The following MYRIP variants were observed in gnomAD, a reference collection of about 807,000 sequenced individuals.
MYRIP encodes myosin VIIA and Rab interacting protein, also known as rab effector MyRIP.
MYRIP carries 49 observed loss-of-function variants against 98.0 expected under a neutral mutation model. The observed-to-expected ratio is 0.50, with a 90% CI of 0.40 to 0.63. MYRIP has a LOEUF of 0.63. Among genes scored for constraint, MYRIP ranks in the 30% least tolerant of loss-of-function variants. The probability of loss-of-function intolerance (pLI) is 0.00; values close to 1 mark genes in which losing one functional copy is unlikely to be tolerated. For synonymous variants in MYRIP, 404 were observed against 409.5 expected (o/e 0.99, Z 0.16); for missense variants, 1,004 against 1,058.2 (o/e 0.95, Z 0.71).
chr3:39,905,510 G>A (rs1360960656), intron 2 of MYRIP, among the ~76,000 whole-genome samples: 1 of 152,114 alleles, frequency 6.6e-6, no homozygotes, highest in Non-Finnish European at 1.5e-5. Flanking sequence ...GGAAACCTCT[G>A]AGTCTTGTTC....
At chr3:39,987,074 T>C (rs1413379335) in intron 2 of MYRIP, among the ~76,000 whole-genome samples, 2 of 152,136 alleles carry the variant, frequency 1.3e-5, no homozygotes, top group Non-Finnish European at 2.9e-5. Flanking sequence ...TGTGCCATGG[T>C]GGTTTGCTGC....
chr3:40,252,340 T>C (rs889010194), intron 16 of MYRIP, among the ~76,000 whole-genome samples: 5 of 152,182 alleles, frequency 3.3e-5, no homozygotes, highest in African/African-American at 1.2e-4. Flanking sequence ...TACCAAAATG[T>C]AGCTTAACCC....
chr3:40,037,834 C>T (rs113893404), intron 2 of MYRIP, among the ~76,000 whole-genome samples: 1 of 152,122 alleles, frequency 6.6e-6, no homozygotes, highest in Admixed American at 6.6e-5. Context: ...CTGGCTCACA[C>T]TTTCTCCTTT....
chr3:40,114,589 CA>C (rs1179755166), intron 3 of MYRIP, among the ~76,000 whole-genome samples: 1 of 152,186 alleles, frequency 6.6e-6, no homozygotes, highest in East Asian at 1.9e-4. Flanking sequence ...TTTCACAAAT[CA>C]ATGGCAACAA....
Position 40,202,193 on chromosome 3 carries a change from A to G in MYRIP, c.1666-7661A>G, listed in dbSNP as rs73827344. On this transcript the variant is annotated intron_variant, in intron 10 of 16. Coordinates refer to ENST00000302541, the MANE Select transcript of MYRIP (RefSeq NM_015460.4). ...AGGAGAGCCACCAGGACATAAGGAT[A>G]TATTCAACAAATGTTAACATGTGAC... Among the ~76,000 whole-genome samples, 827 of 152,292 alleles carry G rather than the reference A, an allele frequency of 5.4e-3. 1 individual carries two copies. Among genetic ancestry groups the G allele is most frequent in the African/African-American group, 0.018 (751 of 41,542 alleles).
rs1948575383 is a variant in MYRIP, at chr3:40,084,675, A to AATACACATCTATGTATTACATATC, written c.332+40404_332+40405insATACACATCTATGTATTACATATC. On this transcript the variant is annotated intron_variant, in intron 3 of 16. Coordinates refer to ENST00000302541, the MANE Select transcript of MYRIP (RefSeq NM_015460.4). ...ACACATCTATGTATTACATATCGAT[A>AATACACATCTATGTATTACATATC]GATAATATCTATGTATTACATATCG... Among the ~76,000 whole-genome samples, 3 of 147,626 alleles carry AATACACATCTATGTATTACATATC rather than the reference A, an allele frequency of 2.0e-5. 1 individual carries two copies. Among genetic ancestry groups the AATACACATCTATGTATTACATATC allele is most frequent in the African/African-American group, 7.5e-5 (3 of 39,946 alleles).
At chr3:39,992,525 G>A (rs1337096428) in intron 2 of MYRIP, among the ~76,000 whole-genome samples, 1 of 152,094 alleles carries the variant, frequency 6.6e-6, no homozygotes, top group Non-Finnish European at 1.5e-5. Flanking sequence ...AGAACTCCAG[G>A]TCCTTTAAAG....
chr3:40,241,564 T>C (rs1007970568), intron 12 of MYRIP, among the ~76,000 whole-genome samples: 3 of 152,214 alleles, frequency 2.0e-5, no homozygotes, highest in Non-Finnish European at 2.9e-5. Flanking sequence ...TACATATTAG[T>C]ACATTAAAGC....
chr3:40,213,281 A>C (rs1389336929), intron 11 of MYRIP, among the ~76,000 whole-genome samples: 1 of 152,160 alleles, frequency 6.6e-6, no homozygotes, highest in Non-Finnish European at 1.5e-5. Flanking sequence ...GATAATCATA[A>C]CCCCTTATAG....
chr3:40,251,703 T>C (rs1371664468), intron 15 of MYRIP, among the ~76,000 whole-genome samples, 178 bp from the exon 16 acceptor site: 3 of 152,224 alleles, frequency 2.0e-5, no homozygotes, highest in South Asian at 2.1e-4. Context: ...CCTGACTTAT[T>C]TGTCCATCAT....
intron 3 of MYRIP, among the ~76,000 whole-genome samples, chr3:40,134,072 G>A (rs1048106128): frequency 3.3e-5 from 5 of 152,200 alleles, no homozygotes; most frequent in Admixed American, 2.6e-4. Flanking sequence ...TGCGTGAGCC[G>A]AAGCAGGGCG....
chr3:39,841,044 C>T (rs993390838), intron 1 of MYRIP, among the ~76,000 whole-genome samples: 3 of 152,134 alleles, frequency 2.0e-5, no homozygotes, highest in Admixed American at 1.3e-4. Flanking sequence ...GGATAATATC[C>T]TCAAGTGTGT....
At chr3:40,258,080 T>C (rs558571802) in intron 16 of MYRIP, 54 bp from the exon 17 acceptor site, 2 of 1,596,818 alleles carry the variant, frequency 1.3e-6, no homozygotes, top group Non-Finnish European at 1.7e-6. Context: ...TTTCATTGCT[T>C]CTTCTCACTC....
chr3:39,811,705 GTC>G (rs1940700852), intron 1 of MYRIP, among the ~76,000 whole-genome samples: 1 of 151,778 alleles, frequency 6.6e-6, no homozygotes, highest in Non-Finnish European at 1.5e-5. Context: ...GTCAAAGTGT[GTC>G]TCTGTAGAGA....
rs79423502 is a variant in MYRIP, at chr3:40,219,352, T to A, written c.1905+9259T>A. Among the ~76,000 whole-genome samples, 759 of 152,344 alleles carry A rather than the reference T, an allele frequency of 5.0e-3. 1 individual carries two copies. The highest frequency in any genetic ancestry group is 0.016 in the African/African-American group (684 of 41,578). On this transcript the variant is annotated intron_variant, in intron 11 of 16. Transcript: ENST00000302541. ...TATTTTTTAAACTTTATTATTATCA[T>A]AGTTTAAGTTTTAGGGTACATGTGC...
chr3:39,913,015 G>A (rs1419543685), intron 2 of MYRIP, among the ~76,000 whole-genome samples: 2 of 150,880 alleles, frequency 1.3e-5, no homozygotes, highest in Non-Finnish European at 2.9e-5. Context: ...ACTCCAGCCT[G>A]GGTGACAGAG....
chr3:40,193,595 A>C (rs1006960934), intron 10 of MYRIP, among the ~76,000 whole-genome samples: 7 of 152,216 alleles, frequency 4.6e-5, no homozygotes, highest in Non-Finnish European at 1.0e-4. Context: ...GGAACTGCTG[A>C]CTGGAGGAGT....
At chr3:40,157,201 T>A (rs1170676173) in intron 4 of MYRIP, among the ~76,000 whole-genome samples, 2 of 149,194 alleles carry the variant, frequency 1.3e-5, no homozygotes, top group African/African-American at 2.5e-5. Context: ...GTTTTTAGCA[T>A]GAAGCGTTGT....
intron 12 of MYRIP, chr3:40,242,145 A>C (rs189927809): frequency 6.6e-6 from 1 of 152,306 alleles, no homozygotes; most frequent in African/African-American, 2.4e-5. Flanking sequence ...CTAGAGCAAA[A>C]AAATTCTCAT....
Sources: gnomAD v4.1 joint callset for allele counts (sites outside exome capture counted in the v4.1 genomes callset) on GRCh38, gnomAD v4.1.1 for gene constraint, MANE v1.5 for transcripts, NCBI Gene and HGNC (gene_info 2026-07-23, HGNC 2026-07-21) for gene names.